The following DISC1 variants were observed in gnomAD, a reference collection of about 807,000 sequenced individuals.
DISC1 encodes the protein DISC1 scaffold protein.
A neutral mutation model predicts 84.5 loss-of-function variants in DISC1; 57 were observed. The observed-to-expected ratio is 0.67, with a 90% CI of 0.55 to 0.84. The LOEUF is 0.84. DISC1 is among the 40% of genes least tolerant of loss of function. The pLI, the probability that DISC1 is intolerant of heterozygous loss-of-function variation, is 0.00. For synonymous variants in DISC1, 411 were observed against 415.2 expected (o/e 0.99, Z 0.12); for missense variants, 1,000 against 1,057.8 (o/e 0.95, Z 0.76).
chr1:231,654,746 C>T (rs2060920249), intron 1 of DISC1, among the ~76,000 whole-genome samples: 1 of 152,088 alleles, frequency 6.6e-6, no homozygotes, highest in Admixed American at 6.6e-5. Flanking sequence ...TGTTTCTGTT[C>T]TGTTTTCTTC....
intron 9 of DISC1, among the ~76,000 whole-genome samples, chr1:231,838,700 T>C (rs1381268613): frequency 6.6e-6 from 1 of 152,226 alleles, no homozygotes; most frequent in Non-Finnish European, 1.5e-5. Flanking sequence ...AAGAGTTACA[T>C]GTAAGTTTGT....
intron 9 of DISC1, among the ~76,000 whole-genome samples, chr1:231,912,976 T>A (rs2089362101): frequency 6.6e-6 from 1 of 151,478 alleles, no homozygotes; most frequent in Non-Finnish European, 1.5e-5. Context: ...GGTTCCATCT[T>A]GGCTTACTGC....
At chr1:231,977,456 C>T (rs1381617772) in intron 10 of DISC1, among the ~76,000 whole-genome samples, 1 of 152,192 alleles carries the variant, frequency 6.6e-6, no homozygotes, top group Non-Finnish European at 1.5e-5. Flanking sequence ...CTTCAAAGTG[C>T]CTCACTCCAG....
At chr1:231,797,834 TC>T (rs2078878483) in intron 7 of DISC1, among the ~76,000 whole-genome samples, 1 of 152,176 alleles carries the variant, frequency 6.6e-6, no homozygotes, top group Admixed American at 6.6e-5. Flanking sequence ...GATAATGAGT[TC>T]CTTGGTGTCC....
rs918753437 is a variant in DISC1, at chr1:231,920,036, C to T, written c.1982-38792C>T. Among the ~76,000 whole-genome samples the T allele has an allele frequency of 3.9e-5, 6 of 152,206 alleles. No individual in the cohort carries two copies. In the South Asian group the frequency reaches 6.2e-4, roughly 16 times the overall value. On this transcript the variant is annotated intron_variant, in intron 9 of 12. Coordinates refer to ENST00000439617, the MANE Select transcript of DISC1 (RefSeq NM_018662.3). Reference sequence around the variant, plus strand: ...TTGCTGTAGGGGGTGTCCCGCGCATCGTAAGAGGTTTAGCAGCACCCAGGG... The same window carrying T: ...TTGCTGTAGGGGGTGTCCCGCGCATTGTAAGAGGTTTAGCAGCACCCAGGG...
At chr1:231,767,081 G>T in intron 4 of DISC1, 59 bp from the exon 5 acceptor site, 3 of 1,601,198 alleles carry the variant, frequency 1.9e-6, no homozygotes, top group South Asian at 2.2e-5. Context: ...TAAAATACTT[G>T]TCAACATGAG....
At chr1:231,951,247 G>C (rs908984609) in intron 9 of DISC1, among the ~76,000 whole-genome samples, 1 of 152,162 alleles carries the variant, frequency 6.6e-6, no homozygotes, top group Non-Finnish European at 1.5e-5. Flanking sequence ...ATTCAAATGT[G>C]GCTATTAGGG....
At position 231,626,925 on chromosome 1, in the gene DISC1, C is replaced by A; in HGVS notation, c.58C>A (p.His20Asn). The A allele has an allele frequency of 3.3e-6, 5 of 1,504,306 alleles. No individual in the cohort carries two copies. The highest frequency in any genetic ancestry group is 4.4e-6 in the Non-Finnish European group (5 of 1,134,086). The allele number at this position is 1,504,306 out of a possible 1,614,324, so 93.2% of individuals were successfully genotyped here. A position where few individuals can be genotyped will look rare whatever the true frequency, so the allele number is the denominator to read the frequency against. ...CGCCGCCGGCGGCGGCGGCGTGAGCCACCGCGCAGGTAGGGGAGCTGCCAC... is the reference window on the plus strand; with the variant it reads ...CGCCGCCGGCGGCGGCGGCGTGAGCAACCGCGCAGGTAGGGGAGCTGCCAC... The part of the protein sequence containing the change: ...PAAAGGGGVS[H>N]RAGSRDCLPP... Residue 20 changes from histidine (H) to asparagine (N), a missense_variant, in exon 1 of 13, where the codon CAC (histidine) becomes AAC (asparagine). Coordinates refer to ENST00000439617, the MANE Select transcript of DISC1 (RefSeq NM_018662.3).
At chr1:231,664,039 TATCCATCC>T (rs57234946) in intron 1 of DISC1, among the ~76,000 whole-genome samples, 32 of 146,418 alleles carry the variant, frequency 2.2e-4, no homozygotes, top group South Asian at 1.8e-3. Flanking sequence ...TCCATCTATC[TATCCATCC>T]ATCCATCCAT....
At chr1:231,866,747 A>G (rs931109365) in intron 9 of DISC1, 61 of 1,326,270 alleles carry the variant, frequency 4.6e-5, no homozygotes, top group African/African-American at 3.2e-4. Context: ...CGTGCTTTGT[A>G]TGGATTCTTC....
intron 1 of DISC1, among the ~76,000 whole-genome samples, chr1:231,674,289 C>T (rs1031044948): frequency 7.9e-5 from 12 of 151,610 alleles, no homozygotes; most frequent in African/African-American, 2.9e-4. Context: ...TTTTCTGCGT[C>T]ACATCTGTTA....
chr1:231,714,796 T>C (rs1430812939), intron 3 of DISC1, among the ~76,000 whole-genome samples: 3 of 152,086 alleles, frequency 2.0e-5, no homozygotes, highest in Non-Finnish European at 2.9e-5. Context: ...ACATACACAG[T>C]ATGCTGGAGG....
intron 11 of DISC1, among the ~76,000 whole-genome samples, chr1:232,010,538 C>T (rs1436079491): frequency 2.0e-5 from 3 of 152,006 alleles, no homozygotes; most frequent in South Asian, 2.1e-4. Flanking sequence ...TCTCCTGTAG[C>T]GGAGAAAAAT....
chr1:231,688,066 G>C (rs1485222095), intron 1 of DISC1, among the ~76,000 whole-genome samples: 1 of 152,172 alleles, frequency 6.6e-6, no homozygotes, highest in African/African-American at 2.4e-5. Context: ...GTCAGAAATG[G>C]TCAGTTAGCA....
At chr1:231,774,715 T>C in intron 6 of DISC1, 1 of 455,918 alleles carries the variant, frequency 2.2e-6, no homozygotes, top group Middle Eastern at 3.3e-4. Flanking sequence ...GGCTTTCCAT[T>C]TGAGAAGGAA....
At chr1:231,747,576 A>G (rs1040583701) in intron 3 of DISC1, among the ~76,000 whole-genome samples, 19 of 152,164 alleles carry the variant, frequency 1.2e-4, no homozygotes, top group African/African-American at 4.6e-4. Context: ...GACAGTATAT[A>G]TGTGGATTAA....
chr1:231,669,754 C>A (rs905508914), intron 1 of DISC1, among the ~76,000 whole-genome samples: 2 of 151,746 alleles, frequency 1.3e-5, no homozygotes, highest in African/African-American at 2.4e-5. Context: ...GAGAAAAAAA[C>A]GCTTATATGC....
intron 3 of DISC1, among the ~76,000 whole-genome samples, chr1:231,706,381 T>G (rs1167393485): frequency 1.3e-5 from 2 of 152,248 alleles, no homozygotes; most frequent in Non-Finnish European, 2.9e-5. Flanking sequence ...AAGGTGGGCG[T>G]GGGCAACAAG....
intron 1 of DISC1, among the ~76,000 whole-genome samples, chr1:231,633,052 C>CAG (rs1022415485): frequency 2.0e-5 from 3 of 152,138 alleles, no homozygotes; most frequent in Admixed American, 6.5e-5. Flanking sequence ...GCCTGGGCTA[C>CAG]AGAGAGAGAC....
Sources: allele counts gnomAD v4.1 joint callset (sites outside exome capture counted in the v4.1 genomes callset), GRCh38; gene constraint gnomAD v4.1.1; transcripts MANE v1.5; gene names NCBI Gene and HGNC (gene_info 2026-07-23, HGNC 2026-07-21).